Variants in CUEDC1 observed in about 807,000 individuals in gnomAD.
CUEDC1 encodes the protein CUE domain-containing protein 1.
CUEDC1 carries 30 observed loss-of-function variants against 43.7 expected under a neutral mutation model. The ratio of observed to expected loss-of-function variants is 0.69; its 90% CI spans 0.51 to 0.93. The LOEUF is 0.93. CUEDC1 is among the 40% of genes least tolerant of loss of function. The probability of loss-of-function intolerance (pLI) is 0.00; values close to 1 mark genes in which losing one functional copy is unlikely to be tolerated. For synonymous variants in CUEDC1, 223 were observed against 223.6 expected, an observed-to-expected ratio of 1.00 and a Z score of 0.02; for missense variants, 486 against 549.0, an observed-to-expected ratio of 0.89 and a Z score of 1.15.
intron 1 of CUEDC1, among the ~76,000 whole-genome samples, chr17:57,942,960 G>A (rs918285197): frequency 3.9e-5 from 6 of 152,036 alleles, no homozygotes; most frequent in Admixed American, 1.3e-4. Flanking sequence ...CCCAGGAGGC[G>A]GAGCTTGCAG....
chr17:57,864,175 A>G (rs2073922980), intron 10 of CUEDC1, among the ~76,000 whole-genome samples: 1 of 151,956 alleles, frequency 6.6e-6, no homozygotes. Context: ...GTGGTAATGG[A>G]AGGAATAGAA....
chr17:57,861,394 G>C lies in CUEDC1; in HGVS notation c.*1895C>G, dbSNP rs1284967273. 1.3e-5 allele frequency: 2 copies of C among 152,308 alleles called. No individual in the cohort carries two copies. Among genetic ancestry groups the C allele is most frequent in the Non-Finnish European group, 2.9e-5 (2 of 68,122 alleles). The allele number at this position is 152,308 out of a possible 1,614,324, so 9.4% of individuals were successfully genotyped here. On this transcript the variant is annotated 3_prime_UTR_variant, in exon 11 of 11. Coordinates refer to ENST00000577830, the MANE Select transcript of CUEDC1 (RefSeq NM_001271875.2). ...GAAGGCGACAGCGCTAGACGCAGCCGGCAGGTCCGCAAGGTTGAGGTGCAG... is the reference window on the plus strand; with the variant it reads ...GAAGGCGACAGCGCTAGACGCAGCCCGCAGGTCCGCAAGGTTGAGGTGCAG...
intron 3 of CUEDC1, among the ~76,000 whole-genome samples, chr17:57,875,214 T>TA (rs1213501622): frequency 2.0e-5 from 3 of 152,166 alleles, no homozygotes; most frequent in Non-Finnish European, 2.9e-5. Flanking sequence ...CCAGGGGTAT[T>TA]ACCAGTTCTT....
At chr17:57,907,297 A>G (rs570755471) in intron 1 of CUEDC1, among the ~76,000 whole-genome samples, 1 of 152,282 alleles carries the variant, frequency 6.6e-6, no homozygotes, top group South Asian at 2.1e-4. Context: ...AAAACGAAGC[A>G]TGCATCAGGG....
intron 7 of CUEDC1, among the ~76,000 whole-genome samples, chr17:57,868,727 G>C (rs953817372): frequency 2.0e-5 from 3 of 152,140 alleles, no homozygotes; most frequent in Admixed American, 2.0e-4. Flanking sequence ...GTGAGGGGGA[G>C]GGAAGGGGGC....
At chr17:57,867,181 G>A in intron 9 of CUEDC1, 176 bp downstream of exon 9, 1 of 643,764 alleles carries the variant, frequency 1.6e-6, no homozygotes, top group African/African-American at 1.8e-5. Flanking sequence ...TTGCAGAAAG[G>A]GGGAAGCAAT....
At chr17:57,883,627 G>A (rs1287415187) in intron 2 of CUEDC1, among the ~76,000 whole-genome samples, 1 of 152,140 alleles carries the variant, frequency 6.6e-6, no homozygotes, top group African/African-American at 2.4e-5. Context: ...AGAGGCTGAG[G>A]CAGGAGAATC....
Position 57,932,281 on chromosome 17 carries a change from C to CAAAAAA in CUEDC1, c.-316+22938_-316+22943dup, listed in dbSNP as rs56137797. 2.2e-3 allele frequency among the ~76,000 whole-genome samples: 273 copies of CAAAAAA among 121,850 alleles called. 10 individuals are homozygous for CAAAAAA. The highest frequency in any genetic ancestry group is 9.1e-3 in the African/African-American group (204 of 22,438). 79.9% of individuals were successfully genotyped at this position (121,850 alleles called of 152,430 possible). On this transcript the variant is annotated intron_variant, in intron 1 of 10. Transcript: ENST00000577830. ...TGGGCAACAAAGTGACACTGTGTCT[C>CAAAAAA]AAAAAAAAAAAAAAAAAAAAAAGGC...
At chr17:57,913,779 C>T (rs2074609851) in intron 1 of CUEDC1, among the ~76,000 whole-genome samples, 1 of 152,164 alleles carries the variant, frequency 6.6e-6, no homozygotes, top group African/African-American at 2.4e-5. Context: ...TGTCCTGGGC[C>T]ACTCCTCCTT....
chr17:57,866,113 G>A (rs1055702688), intron 10 of CUEDC1, among the ~76,000 whole-genome samples: 5 of 152,144 alleles, frequency 3.3e-5, no homozygotes, highest in African/African-American at 9.7e-5. Context: ...ATGGGACACC[G>A]TGCCCAGCCA....
At chr17:57,929,098 GTCC>G (rs2074778391) in intron 1 of CUEDC1, among the ~76,000 whole-genome samples, 1 of 152,148 alleles carries the variant, frequency 6.6e-6, no homozygotes. Flanking sequence ...TGAGGCCATT[GTCC>G]TCATTTCCAG....
At chr17:57,866,356 G>A (rs2073957585) in intron 10 of CUEDC1, 118 bp downstream of exon 10, 3 of 825,796 alleles carry the variant, frequency 3.6e-6, no homozygotes, top group Non-Finnish European at 4.0e-6. Flanking sequence ...CGTGGGGCCT[G>A]TGCTACCCAG....
intron 1 of CUEDC1, among the ~76,000 whole-genome samples, chr17:57,947,268 C>T (rs2074968125): frequency 6.6e-6 from 1 of 152,004 alleles, no homozygotes; most frequent in African/African-American, 2.4e-5. Flanking sequence ...GCTGCTGCTA[C>T]TTCTCTCTTA....
chr17:57,864,027 G>A (rs544432427), intron 10 of CUEDC1, among the ~76,000 whole-genome samples: 9,144 of 147,428 alleles, frequency 0.062, 413 homozygotes, highest in Non-Finnish European at 0.1. Flanking sequence ...AGAAAGAAAA[G>A]AAAAAGAAAA....
intron 1 of CUEDC1, among the ~76,000 whole-genome samples, chr17:57,914,852 A>G (rs772006618): frequency 5.3e-5 from 8 of 152,232 alleles, no homozygotes; most frequent in Non-Finnish European, 1.0e-4. Context: ...AGGAACTCTG[A>G]GTGGCATTAA....
At chr17:57,867,038 C>G (rs751873869) in intron 9 of CUEDC1, 1 of 455,640 alleles carries the variant, frequency 2.2e-6, no homozygotes, top group Non-Finnish European at 4.0e-6. Flanking sequence ...GTTCTCAGGC[C>G]GAGGGTCCCC....
chr17:57,928,065 G>A lies in CUEDC1; in HGVS notation c.-316+27160C>T, dbSNP rs554654541. On this transcript the variant is annotated intron_variant, in intron 1 of 10. Coordinates refer to ENST00000577830, the MANE Select transcript of CUEDC1 (RefSeq NM_001271875.2). ...GGTAGTCACTGGGCAGTGGAAACAC[G>A]CCTTGTGAAGCTTACAGCCTGGCAC... Among the ~76,000 whole-genome samples the A allele has an allele frequency of 2.6e-4, 40 of 152,324 alleles. 1 individual carries two copies. Among genetic ancestry groups the A allele is most frequent in the African/African-American group, 9.1e-4 (38 of 41,568 alleles).
chr17:57,943,358 G>A (rs951027739), intron 1 of CUEDC1, among the ~76,000 whole-genome samples: 1 of 152,176 alleles, frequency 6.6e-6, no homozygotes, highest in African/African-American at 2.4e-5. Flanking sequence ...CAGAATTAAA[G>A]CTCATAGGAT....
intron 10 of CUEDC1, among the ~76,000 whole-genome samples, chr17:57,864,181 T>C (rs572859777): frequency 1.3e-5 from 2 of 150,822 alleles, no homozygotes; most frequent in African/African-American, 4.9e-5. Flanking sequence ...ATGGAAGGAA[T>C]AGAAAAGAGA....
Sources: gnomAD v4.1 joint callset for allele counts (sites outside exome capture counted in the v4.1 genomes callset) on GRCh38, gnomAD v4.1.1 for gene constraint, MANE v1.5 for transcripts, NCBI Gene and HGNC (gene_info 2026-07-23, HGNC 2026-07-21) for gene names.